Variants in PCDH11Y observed in about 807,000 individuals in gnomAD.
PCDH11Y encodes protocadherin 11 Y-linked.
For synonymous variants in PCDH11Y, 9 were observed against 83.6 expected, an observed-to-expected ratio of 0.11 and a Z score of 4.87; for missense variants, 12 against 224.8, an observed-to-expected ratio of 0.05 and a Z score of 6.05.
At chrY:5,391,777 G>A (rs2124675951) in intron 2 of PCDH11Y, among the ~76,000 whole-genome samples, 2 of 32,661 alleles carry the variant, frequency 6.1e-5, no homozygotes, top group African/African-American at 2.4e-4. Flanking sequence ...TTAGTTGGCT[G>A]AATGACAATA....
At chrY:5,675,778 G>A in intron 4 of PCDH11Y, among the ~76,000 whole-genome samples, 1 of 33,673 alleles carries the variant, frequency 3.0e-5, no homozygotes, top group African/African-American at 1.2e-4. Context: ...TGCAAGAGGT[G>A]GACTCTCATG....
intron 4 of PCDH11Y, among the ~76,000 whole-genome samples, chrY:5,722,770 A>G (rs2053595908): frequency 3.0e-5 from 1 of 33,023 alleles, no homozygotes; most frequent in Non-Finnish European, 7.6e-5. Flanking sequence ...ATATTGAGAC[A>G]ATTTATTGCT....
chrY:5,091,102 T>C (rs2124633844), intron 1 of PCDH11Y, among the ~76,000 whole-genome samples: 1 of 32,644 alleles, frequency 3.1e-5, no homozygotes, highest in Non-Finnish European at 7.6e-5. Context: ...ATTACATGCT[T>C]GAAATACAGT....
At chrY:5,199,249 G>A in intron 2 of PCDH11Y, among the ~76,000 whole-genome samples, 1 of 30,524 alleles carries the variant, frequency 3.3e-5, no homozygotes, top group Non-Finnish European at 7.9e-5. Flanking sequence ...GCAGGCCTTT[G>A]CCTAGAGGCG....
chrY:5,473,825 G>GT (rs2053316202), intron 2 of PCDH11Y, among the ~76,000 whole-genome samples: 1 of 16,286 alleles, frequency 6.1e-5, no homozygotes, highest in African/African-American at 2.4e-4. Flanking sequence ...GTTATTTTAT[G>GT]TTTTGATAGT....
At chrY:5,416,657 T>C (rs2124679096) in intron 2 of PCDH11Y, among the ~76,000 whole-genome samples, 1 of 31,711 alleles carries the variant, frequency 3.2e-5, no homozygotes, top group Non-Finnish European at 7.6e-5. Flanking sequence ...TTGTAGAATT[T>C]TAGTAGATTT....
intron 2 of PCDH11Y, among the ~76,000 whole-genome samples, chrY:5,497,461 C>T (rs2053346300): frequency 3.0e-5 from 1 of 33,475 alleles, no homozygotes. Flanking sequence ...AATGTCTCTT[C>T]ATATCCTTTG....
At chrY:5,661,712 T>G in intron 4 of PCDH11Y, among the ~76,000 whole-genome samples, 1 of 32,455 alleles carries the variant, frequency 3.1e-5, no homozygotes, top group African/African-American at 1.2e-4. Context: ...TAGAATAAAA[T>G]TATAATAAAA....
chrY:5,218,116 A>G (rs2052948680), intron 2 of PCDH11Y, among the ~76,000 whole-genome samples: 1 of 33,006 alleles, frequency 3.0e-5, no homozygotes, highest in South Asian at 6.9e-4. Context: ...AAAAATATTA[A>G]GCTATGAATT....
At chrY:5,544,906 A>G in intron 3 of PCDH11Y, among the ~76,000 whole-genome samples, 1 of 30,297 alleles carries the variant, frequency 3.3e-5, no homozygotes, top group Non-Finnish European at 8.2e-5. Context: ...TATCATCCAT[A>G]TAGAAATTAA....
At chrY:5,377,941 G>A (rs2124674040) in intron 2 of PCDH11Y, among the ~76,000 whole-genome samples, 1 of 31,561 alleles carries the variant, frequency 3.2e-5, no homozygotes, top group Admixed American at 3.0e-4. Context: ...GTTTTGCCAT[G>A]TTGGCCAGGC....
At chrY:5,333,166 G>T in intron 2 of PCDH11Y, among the ~76,000 whole-genome samples, 2 of 33,502 alleles carry the variant, frequency 6.0e-5, no homozygotes, top group Admixed American at 5.5e-4. Context: ...GAAGAATGTG[G>T]GAGGAAATAC....
chrY:5,087,754 A>G, intron 1 of PCDH11Y, among the ~76,000 whole-genome samples: 2 of 32,595 alleles, frequency 6.1e-5, no homozygotes, highest in Admixed American at 2.7e-4. Context: ...AAGTTTACTT[A>G]GAGACCTAGA....
At chrY:5,154,015 A>G (rs2052866588) in intron 2 of PCDH11Y, among the ~76,000 whole-genome samples, 1 of 27,270 alleles carries the variant, frequency 3.7e-5, no homozygotes. Context: ...ATATACACGT[A>G]TATATATACA....
At chrY:5,039,879 T>C in intron 3 of PCDH11Y, among the ~76,000 whole-genome samples, 2 of 33,145 alleles carry the variant, frequency 6.0e-5, no homozygotes, top group African/African-American at 2.4e-4. Context: ...GGCTCACGCC[T>C]GTAATCCCAG....
intron 3 of PCDH11Y, among the ~76,000 whole-genome samples, chrY:5,522,125 G>A (rs2053382087): frequency 6.2e-5 from 2 of 32,003 alleles, no homozygotes; most frequent in Admixed American, 2.8e-4. Context: ...CGCCCGCCTC[G>A]GCCTCCCAAA....
intron 3 of PCDH11Y, among the ~76,000 whole-genome samples, chrY:5,519,113 G>A: frequency 3.1e-5 from 1 of 32,564 alleles, no homozygotes; most frequent in African/African-American, 1.2e-4. Flanking sequence ...TTTCTGGGCC[G>A]GGCGCGGTGG....
chrY:5,402,404 C>T, intron 2 of PCDH11Y, among the ~76,000 whole-genome samples: 1 of 32,670 alleles, frequency 3.1e-5, no homozygotes, highest in East Asian at 7.9e-4. Flanking sequence ...AATACACGAT[C>T]CATGCTACTG....
intron 3 of PCDH11Y, among the ~76,000 whole-genome samples, chrY:5,042,227 G>A: frequency 4.2e-5 from 1 of 23,703 alleles, no homozygotes; most frequent in African/African-American, 1.7e-4. Context: ...TTCTTCTAGG[G>A]TTTTTATGGT....
Sources: allele counts gnomAD v4.1 joint callset (sites outside exome capture counted in the v4.1 genomes callset), GRCh38; gene constraint gnomAD v4.1.1; transcripts MANE v1.5; gene names NCBI Gene and HGNC (gene_info 2026-07-23, HGNC 2026-07-21).